VAV3: variants seen among roughly 807,000 people sequenced by gnomAD.
The protein encoded by VAV3 is vav guanine nucleotide exchange factor 3.
Under a neutral mutation model 131.2 loss-of-function variants are expected in VAV3, and 94 were observed. The ratio of observed to expected loss-of-function variants is 0.72; its 90% CI spans 0.61 to 0.85. The LOEUF is 0.85. Ranked by LOEUF, VAV3 falls within the 40% of genes least tolerant of loss-of-function variation. The pLI is 0.00. For synonymous variants in VAV3, 349 were observed against 342.0 expected (o/e 1.02, Z -0.22); for missense variants, 939 against 1,002.7 (o/e 0.94, Z 0.86).
At chr1:107,612,800 C>A (rs570461893) in intron 21 of VAV3, among the ~76,000 whole-genome samples, 31 of 152,238 alleles carry the variant, frequency 2.0e-4, no homozygotes, top group African/African-American at 7.5e-4. Context: ...ACCTCCTTTT[C>A]CAGCTGCTGA....
At position 107,790,877 on chromosome 1, in the gene VAV3, G is replaced by A. The variant is rs528427979; in HGVS notation, c.322-11385C>T. Among the ~76,000 whole-genome samples the A allele has an allele frequency of 9.2e-5, 14 of 151,652 alleles. No homozygotes were observed. The South Asian group carries it at 2.7e-3, about 29-fold the overall frequency. On this transcript the variant is annotated intron_variant, in intron 2 of 26. Transcript: ENST00000370056. The stretch of plus-strand genomic sequence containing the variant: ...TAATTTTTGTATTTTTACTAGAGAC[G>A]GGGTTTCACCATGTTGGTCAGGCTG...
chr1:107,717,169 T>C (rs369495434), intron 15 of VAV3, among the ~76,000 whole-genome samples: 151 of 152,280 alleles, frequency 9.9e-4, no homozygotes, highest in African/African-American at 1.4e-3. Flanking sequence ...TCTATTTTGT[T>C]GATCTTTTCA....
intron 4 of VAV3, among the ~76,000 whole-genome samples, chr1:107,774,422 T>C (rs1184597944): frequency 6.6e-6 from 1 of 152,192 alleles, no homozygotes; most frequent in Non-Finnish European, 1.5e-5. Flanking sequence ...AGTGCATGCG[T>C]GCATGCAAGT....
chr1:107,873,794 T>C (rs1287446369), intron 2 of VAV3, among the ~76,000 whole-genome samples: 2 of 152,148 alleles, frequency 1.3e-5, no homozygotes. Context: ...GGCAGCCTGA[T>C]GCCTGAGAAG....
intron 8 of VAV3, among the ~76,000 whole-genome samples, chr1:107,766,064 A>C (rs1303919902): frequency 6.6e-6 from 1 of 152,174 alleles, no homozygotes; most frequent in South Asian, 2.1e-4. Flanking sequence ...AAAGTGGAAG[A>C]AGCATTAAGT....
chr1:107,952,490 A>ATATATATT (rs879663904), intron 1 of VAV3, among the ~76,000 whole-genome samples: 3 of 94,740 alleles, frequency 3.2e-5, no homozygotes, highest in Non-Finnish European at 7.2e-5. Flanking sequence ...ATATATACAC[A>ATATATATT]CATAAATTCA....
chr1:107,909,020 C>T (rs1160197311), intron 1 of VAV3, among the ~76,000 whole-genome samples: 3 of 152,216 alleles, frequency 2.0e-5, no homozygotes, highest in South Asian at 4.1e-4. Context: ...CTGTTAAAGA[C>T]ATGAGGGAAA....
chr1:107,599,452 TC>T (rs1396445513), intron 24 of VAV3, among the ~76,000 whole-genome samples: 1 of 152,142 alleles, frequency 6.6e-6, no homozygotes, highest in Non-Finnish European at 1.5e-5. Context: ...TTCAAGTCTC[TC>T]AAAAATAATG....
intron 1 of VAV3, among the ~76,000 whole-genome samples, chr1:107,914,165 C>G (rs527726111): frequency 1.1e-3 from 171 of 152,268 alleles, no homozygotes; most frequent in Non-Finnish European, 1.5e-3. Context: ...AGATGACAGA[C>G]AGATGAATGT....
intron 15 of VAV3, among the ~76,000 whole-genome samples, chr1:107,724,125 G>T (rs1661687138): frequency 6.6e-6 from 1 of 151,858 alleles, no homozygotes; most frequent in African/African-American, 2.4e-5. Context: ...TTTTAATTAG[G>T]AAAATGGTAT....
In VAV3 at chr1:107,964,991, G is replaced by A. The variant is rs1188656083; in HGVS notation, c.-122C>T. 2.4e-6 allele frequency: 2 copies of A among 847,580 alleles called. No individual in the cohort carries two copies. The highest frequency in any genetic ancestry group is 5.1e-5 in the Admixed American group (1 of 19,692). The allele number at this position is 847,580 out of a possible 1,614,324, so 52.5% of individuals were successfully genotyped here. On this transcript the variant is annotated 5_prime_UTR_variant, in exon 1 of 27. Coordinates refer to ENST00000370056, the MANE Select transcript of VAV3 (RefSeq NM_006113.5). ...ACAGCCGCCGGCCCTTTCCCCGCGCGGGATCGAGGGAGCAGGAGCCGCGGC... is the reference window on the plus strand; with the variant it reads ...ACAGCCGCCGGCCCTTTCCCCGCGCAGGATCGAGGGAGCAGGAGCCGCGGC...
intron 15 of VAV3, among the ~76,000 whole-genome samples, chr1:107,712,079 A>T (rs975581334): frequency 2.6e-5 from 4 of 152,208 alleles, no homozygotes; most frequent in Non-Finnish European, 5.9e-5. Context: ...CGATTTACAA[A>T]TTTAAAACAA....
intron 2 of VAV3, among the ~76,000 whole-genome samples, chr1:107,856,946 G>A (rs1377145292): frequency 1.3e-5 from 2 of 152,184 alleles, no homozygotes; most frequent in African/African-American, 4.8e-5. Flanking sequence ...GGCTGAGGCA[G>A]GAGGGTCGCT....
chr1:107,922,756 T>C (rs1672963480), intron 1 of VAV3, among the ~76,000 whole-genome samples: 1 of 151,198 alleles, frequency 6.6e-6, no homozygotes, highest in African/African-American at 2.4e-5. Context: ...ATCGAGACCA[T>C]CCTGGCTAAC....
chr1:107,704,746 T>C, intron 16 of VAV3, 96 bp from the exon 17 acceptor site: 1 of 1,081,784 alleles, frequency 9.2e-7, no homozygotes, highest in Non-Finnish European at 1.4e-6. Flanking sequence ...TCAACAGTGC[T>C]CTTCAAGGTA....
In VAV3 at chr1:107,710,416, G is replaced by A. The variant is rs60473359; in HGVS notation, c.1503-5355C>T. On this transcript the variant is annotated intron_variant, in intron 15 of 26. Transcript: ENST00000370056. The stretch of plus-strand genomic sequence containing the variant: ...GGCTTTTTTGTATCAAAAATACATC[G>A]ATTTATAAAAATGTATTCACACACA... Among the ~76,000 whole-genome samples the A allele has an allele frequency of 5.5e-3, 844 of 152,138 alleles. 10 individuals are homozygous for A. The highest frequency in any genetic ancestry group is 0.018 in the African/African-American group (744 of 41,518).
chr1:107,918,707 T>A (rs12727094), intron 1 of VAV3, among the ~76,000 whole-genome samples: 3,455 of 49,154 alleles, frequency 0.07, 44 homozygotes, highest in East Asian at 0.17. Context: ...ATATATATAT[T>A]TTTTTTTTTT....
chr1:107,811,979 A>G (rs771516496), intron 2 of VAV3, among the ~76,000 whole-genome samples: 1 of 152,262 alleles, frequency 6.6e-6, no homozygotes. Flanking sequence ...AAGTGGACAA[A>G]TTAAGCATGC....
intron 2 of VAV3, among the ~76,000 whole-genome samples, chr1:107,842,705 G>A (rs193108126): frequency 1.7e-3 from 264 of 152,006 alleles, no homozygotes; most frequent in Non-Finnish European, 2.9e-3. Context: ...GGTTATGCAG[G>A]GGGTGTCATT....
Sources: allele counts gnomAD v4.1 joint callset (sites outside exome capture counted in the v4.1 genomes callset), GRCh38; gene constraint gnomAD v4.1.1; transcripts MANE v1.5; gene names NCBI Gene and HGNC (gene_info 2026-07-23, HGNC 2026-07-21).